Variants in CCDC175 observed in about 807,000 individuals in gnomAD.
The protein encoded by CCDC175 is coiled-coil domain containing 175.
CCDC175 carries 100 observed loss-of-function variants against 114.6 expected under a neutral mutation model. The observed-to-expected ratio is 0.87, with a 90% CI of 0.74 to 1.03. The LOEUF (loss-of-function observed/expected upper bound fraction) is 1.03, where lower values mean the gene tolerates loss of function less well. Among genes scored for constraint, CCDC175 ranks in the 50% least tolerant of loss-of-function variants. The pLI, the probability that CCDC175 is intolerant of heterozygous loss-of-function variation, is 0.00. For missense variants in CCDC175, 880 were observed against 917.8 expected (o/e 0.96, Z 0.53); for synonymous variants, 306 against 308.7 (o/e 0.99, Z 0.09).
At chr14:59,536,634 C>T (rs970173152) in intron 13 of CCDC175, among the ~76,000 whole-genome samples, 3 of 151,944 alleles carry the variant, frequency 2.0e-5, no homozygotes, top group African/African-American at 7.3e-5. Flanking sequence ...CCGAGTTGCA[C>T]CGGTTTCTGT....
intron 7 of CCDC175, among the ~76,000 whole-genome samples, chr14:59,554,588 T>C (rs949720557): frequency 1.5e-4 from 23 of 152,128 alleles, no homozygotes; most frequent in African/African-American, 5.6e-4. Flanking sequence ...ATTCAAAAGC[T>C]AGCAGAAGGT....
At chr14:59,551,235 C>G (rs552452150) in intron 8 of CCDC175, 120 bp downstream of exon 8, 9 of 535,494 alleles carry the variant, frequency 1.7e-5, no homozygotes, top group South Asian at 3.1e-5. Flanking sequence ...TACAAACAAC[C>G]ATATTATTGG....
In CCDC175 at chr14:59,553,109, G is replaced by C. The variant is rs775686528; in HGVS notation, c.954-1673C>G. On this transcript the variant is annotated intron_variant, in intron 7 of 19. Coordinates refer to ENST00000537690, the MANE Select transcript of CCDC175 (RefSeq NM_001164399.2). ...CCAACATTCAAATTCAGGAAATACA[G>C]AGAACGCCACAAAGATACTCCTCCA... is the stretch of plus-strand genomic sequence containing the variant. Among the ~76,000 whole-genome samples the C allele has an allele frequency of 2.6e-5, 4 of 152,166 alleles. 1 individual carries two copies. Among genetic ancestry groups the C allele is most frequent in the Non-Finnish European group, 5.9e-5 (4 of 68,040 alleles).
At chr14:59,566,989 C>T (rs1442357365) in intron 4 of CCDC175, among the ~76,000 whole-genome samples, 1 of 152,166 alleles carries the variant, frequency 6.6e-6, no homozygotes, top group Non-Finnish European at 1.5e-5. Context: ...CCGCACTCCT[C>T]CCAGATCTGT....
intron 9 of CCDC175, among the ~76,000 whole-genome samples, chr14:59,544,803 G>A (rs1895006394): frequency 6.6e-6 from 1 of 152,158 alleles, no homozygotes; most frequent in South Asian, 2.1e-4. Context: ...ATGAGGACAT[G>A]AGGGTGGGAC....
chr14:59,541,629 T>C (rs1371575157), intron 10 of CCDC175, among the ~76,000 whole-genome samples: 1 of 152,212 alleles, frequency 6.6e-6, no homozygotes, highest in Non-Finnish European at 1.5e-5. Flanking sequence ...CTCCTCTGGA[T>C]CTCTAAGGGT....
chr14:59,525,580 C>A, intron 15 of CCDC175, 146 bp from the exon 16 acceptor site: 1 of 521,178 alleles, frequency 1.9e-6, no homozygotes, highest in East Asian at 3.7e-5. Context: ...CTTAGAAAAA[C>A]CTATCAACCC....
chr14:59,543,700 C>T (rs752712725), intron 9 of CCDC175, among the ~76,000 whole-genome samples: 2 of 152,082 alleles, frequency 1.3e-5, no homozygotes, highest in Non-Finnish European at 2.9e-5. Context: ...CCCTGTGTTG[C>T]CCAGGCTGGT....
intron 3 of CCDC175, among the ~76,000 whole-genome samples, chr14:59,571,408 C>G (rs1896843394): frequency 6.6e-6 from 1 of 152,128 alleles, no homozygotes; most frequent in African/African-American, 2.4e-5. Flanking sequence ...ACTCCTACAA[C>G]TCAACAACAA....
chr14:59,505,475 G>T, intron 19 of CCDC175, 160 bp from the exon 20 acceptor site: 1 of 403,572 alleles, frequency 2.5e-6, no homozygotes, highest in Admixed American at 4.0e-5. Context: ...CTGATTACTA[G>T]GACTATATCT....
chr14:59,545,118 C>T (rs1259882274), intron 9 of CCDC175, 45 bp downstream of exon 9: 1 of 1,513,238 alleles, frequency 6.6e-7, no homozygotes, highest in East Asian at 2.5e-5. Context: ...GAAAAGCACC[C>T]CATAATGATG....
At chr14:59,539,245 CACA>C (rs1161879554) in intron 11 of CCDC175, among the ~76,000 whole-genome samples, 5 of 152,152 alleles carry the variant, frequency 3.3e-5, no homozygotes, top group African/African-American at 1.2e-4. Context: ...TTTTCTCCAC[CACA>C]ACATTAAAAA....
At chr14:59,530,128 T>C (rs1402048080) in intron 14 of CCDC175, among the ~76,000 whole-genome samples, 3 of 152,034 alleles carry the variant, frequency 2.0e-5, no homozygotes, top group African/African-American at 7.2e-5. Context: ...CCCAGCACTT[T>C]GGGAGGCTGA....
In CCDC175 at chr14:59,565,066, TTTC is replaced by T. The variant is rs1198989404; in HGVS notation, c.698_700del (p.Arg233del). 6.5e-7 allele frequency: 1 copy of T among 1,535,348 alleles called. No individual in the cohort carries two copies. The highest frequency in any genetic ancestry group is 2.0e-5 in the Admixed American group (1 of 50,672). On this transcript the variant is annotated inframe_deletion, in exon 5 of 20. Transcript: ENST00000537690. ...ACTTACCTGTGCAGTCAACTCTTGT[TTTC>T]TTATTAGATATTCTGCCCTTTCTTT...
intron 11 of CCDC175, 127 bp from the exon 12 acceptor site, chr14:59,538,967 G>A: frequency 1.3e-6 from 1 of 751,150 alleles, no homozygotes; most frequent in Non-Finnish European, 2.0e-6. Flanking sequence ...TAGTGTTGCA[G>A]ACTACACACA....
intron 17 of CCDC175, among the ~76,000 whole-genome samples, chr14:59,518,247 G>A (rs1381039199): frequency 6.6e-6 from 1 of 152,140 alleles, no homozygotes; most frequent in Non-Finnish European, 1.5e-5. Flanking sequence ...ATACCATTCA[G>A]GACATAGGCA....
In CCDC175 at chr14:59,510,727, G is replaced by C. The variant is rs1368161386; in HGVS notation, c.2224C>G (p.Gln742Glu). Reference protein sequence around the residue: ...DKLRERDEKMQHVSTWLRGSL... With the variant: ...DKLRERDEKMEHVSTWLRGSL... ...CCTCGTAGCCATGTACTGACATGCT[G>C]CATTTTTTCATCTCTTTCACGCAGC... Residue 742 changes from glutamine to glutamate, a missense_variant, in exon 19 of 20, where the codon CAG becomes GAG. Transcript: ENST00000537690. 1.3e-6 allele frequency: 2 copies of C among 1,537,054 alleles called. No individual in the cohort carries two copies. Among genetic ancestry groups the C allele is most frequent in the Admixed American group, 2.0e-5 (1 of 50,968 alleles).
At chr14:59,508,881 T>C (rs1892597783) in intron 19 of CCDC175, among the ~76,000 whole-genome samples, 1 of 152,090 alleles carries the variant, frequency 6.6e-6, no homozygotes, top group Non-Finnish European at 1.5e-5. Context: ...GATAAATAAA[T>C]TCGTGTTATT....
intron 3 of CCDC175, among the ~76,000 whole-genome samples, chr14:59,570,055 G>A (rs1018885645): frequency 6.6e-6 from 1 of 152,116 alleles, no homozygotes; most frequent in Non-Finnish European, 1.5e-5. Flanking sequence ...CTCTGGGGGT[G>A]TTAGGGGTAC....
Sources: allele counts gnomAD v4.1 joint callset (sites outside exome capture counted in the v4.1 genomes callset), GRCh38; gene constraint gnomAD v4.1.1; transcripts MANE v1.5; gene names NCBI Gene and HGNC (gene_info 2026-07-23, HGNC 2026-07-21).